SDHC: variants seen among roughly 807,000 people sequenced by gnomAD.
SDHC encodes the protein succinate dehydrogenase cytochrome b560 subunit, mitochondrial.
A neutral mutation model predicts 22.6 loss-of-function variants in SDHC; 11 were observed. The observed-to-expected ratio is 0.49, with a 90% confidence interval of 0.31 to 0.81. SDHC has a LOEUF of 0.81. Among genes scored for constraint, SDHC ranks in the 30% least tolerant of loss-of-function variants. SDHC has a pLI of 0.05. For synonymous variants in SDHC, 80 were observed against 77.8 expected (o/e 1.03, Z -0.15); for missense variants, 160 against 212.0 (o/e 0.75, Z 1.52).
At chr1:161,327,303 A>G (rs1237207348) in intron 2 of SDHC, among the ~76,000 whole-genome samples, 1 of 152,258 alleles carries the variant, frequency 6.6e-6, no homozygotes, top group Non-Finnish European at 1.5e-5. Context: ...GGGACCAGAC[A>G]GCATGACAGA....
intron 4 of SDHC, 30 bp from the exon 5 acceptor site, chr1:161,356,647 C>T (rs2102370077): frequency 6.2e-7 from 1 of 1,612,258 alleles, no homozygotes; most frequent in Non-Finnish European, 8.5e-7. Flanking sequence ...TTATGAGCAG[C>T]TGTGACAAGC....
At chr1:161,317,631 A>T (rs1333849985) in intron 1 of SDHC, among the ~76,000 whole-genome samples, 5 of 134,264 alleles carry the variant, frequency 3.7e-5, no homozygotes, top group Non-Finnish European at 3.0e-5. Flanking sequence ...GCGCAATCTC[A>T]GCTCACTGTA....
At chr1:161,349,826 G>GA (rs1672041402) in intron 4 of SDHC, among the ~76,000 whole-genome samples, 1 of 152,156 alleles carries the variant, frequency 6.6e-6, no homozygotes, top group South Asian at 2.1e-4. Context: ...ACCTTACCTT[G>GA]AAAAAGTTAT....
chr1:161,339,365 T>C (rs1320872483), intron 3 of SDHC, among the ~76,000 whole-genome samples: 3 of 150,004 alleles, frequency 2.0e-5, no homozygotes, highest in East Asian at 3.9e-4. Flanking sequence ...TTTTTTTTTT[T>C]CGTAAAGATG....
intron 2 of SDHC, among the ~76,000 whole-genome samples, chr1:161,326,325 G>T (rs1671046948): frequency 6.6e-6 from 1 of 151,974 alleles, no homozygotes; most frequent in Admixed American, 6.6e-5. Flanking sequence ...AATACTGTGG[G>T]TTTATCCAGC....
chr1:161,362,027 G>T (rs553895402), intron 5 of SDHC, among the ~76,000 whole-genome samples: 5 of 151,922 alleles, frequency 3.3e-5, no homozygotes, highest in East Asian at 1.9e-4. Flanking sequence ...AGGAAAAGTT[G>T]TATCTATTCA....
Position 161,362,344 on chromosome 1 carries a change from A to C in SDHC, c.421A>C (p.Lys141Gln). ...TTGTCCACAGATGTGGGACCTAGGA[A>C]AAGGCCTGAAGATTCCCCAGCTATA... ...GIRHLMWDLG[K>Q]GLKIPQLYQS... is the part of the protein sequence containing the mutation. Residue 141 changes from lysine (K) to glutamine (Q), a missense_variant, in exon 6 of 6, where the codon AAA (lysine) becomes CAA (glutamine). This residue lies in a region of SDHC where 74 missense variants were observed against 128.6 expected (regional missense o/e 0.58). Transcript: ENST00000367975. 6.2e-7 allele frequency: 1 copy of C among 1,613,696 alleles called. No individual in the cohort carries two copies. Among genetic ancestry groups the C allele is most frequent in the Non-Finnish European group, 8.5e-7 (1 of 1,179,802 alleles).
chr1:161,340,662 A>G lies in SDHC; in HGVS notation c.241+7A>G, dbSNP rs878854586. 2.5e-6 allele frequency: 4 copies of G among 1,612,626 alleles called. No individual in the cohort carries two copies. The highest frequency in any genetic ancestry group is 1.3e-5 in the African/African-American group (1 of 74,870). On this transcript the variant is annotated splice_region_variant and intron_variant, in intron 4 of 5. Transcript: ENST00000367975. ...GGTATTGCTTTGAGTGCAGGTATGTATATGTGTTTTTACACACACATATGT... is the reference window on the plus strand; with the variant it reads ...GGTATTGCTTTGAGTGCAGGTATGTGTATGTGTTTTTACACACACATATGT...
In SDHC at chr1:161,346,743, A is replaced by G. The variant is rs191192285; in HGVS notation, c.241+6088A>G. Among the ~76,000 whole-genome samples the G allele has an allele frequency of 6.1e-3, 907 of 148,704 alleles. 13 individuals carry two copies. The highest frequency in any genetic ancestry group is 0.022 in the African/African-American group (852 of 39,256). On this transcript the variant is annotated intron_variant, in intron 4 of 5. Transcript: ENST00000367975. ...GATATGAGACCCCAGAGGAGAAACC[A>G]ACAAATACAGTTGTCCCTTATTATC...
At chr1:161,334,851 A>G (rs1237893994) in intron 3 of SDHC, among the ~76,000 whole-genome samples, 1 of 152,182 alleles carries the variant, frequency 6.6e-6, no homozygotes, top group Non-Finnish European at 1.5e-5. Flanking sequence ...TAAGGAGACT[A>G]TTATTCTGCC....
chr1:161,337,609 T>C (rs1371158911), intron 3 of SDHC, among the ~76,000 whole-genome samples: 1 of 152,202 alleles, frequency 6.6e-6, no homozygotes, highest in East Asian at 1.9e-4. Context: ...ATGGTTATTT[T>C]TAGAAAACAA....
At chr1:161,339,667 T>TTTTTTTTTTGTTTG (rs1558173793) in intron 3 of SDHC, 1 of 236,388 alleles carries the variant, frequency 4.2e-6, no homozygotes, top group African/African-American at 3.5e-5. Flanking sequence ...CAGGTGTTTT[T>TTTTTTTTTTGTTTG]TTTTTTTTTT....
chr1:161,346,193 T>C (rs1200033440), intron 4 of SDHC, among the ~76,000 whole-genome samples: 1 of 151,978 alleles, frequency 6.6e-6, no homozygotes, highest in Non-Finnish European at 1.5e-5. Context: ...TAGCACTCAA[T>C]AGGTGCTTAG....
intron 4 of SDHC, among the ~76,000 whole-genome samples, chr1:161,347,263 C>G (rs1317566225): frequency 1.3e-5 from 2 of 150,810 alleles, no homozygotes; most frequent in African/African-American, 4.9e-5. Flanking sequence ...TCTTTTTTTC[C>G]TTTTTTTTTG....
chr1:161,318,310 T>C (rs1371050290), intron 1 of SDHC, among the ~76,000 whole-genome samples: 1 of 152,188 alleles, frequency 6.6e-6, no homozygotes, highest in African/African-American at 2.4e-5. Context: ...GCTTGGCTAA[T>C]TAAGAATTAT....
chr1:161,325,928 C>T (rs565674592), intron 2 of SDHC, among the ~76,000 whole-genome samples: 9 of 152,164 alleles, frequency 5.9e-5, no homozygotes, highest in East Asian at 1.9e-4. Flanking sequence ...CGGCCTGGCA[C>T]GGTAGCCATG....
At chr1:161,323,883 A>C (rs1312438217) in intron 2 of SDHC, among the ~76,000 whole-genome samples, 7 of 151,956 alleles carry the variant, frequency 4.6e-5, no homozygotes, top group Admixed American at 3.9e-4. Flanking sequence ...TTTTTAGTAG[A>C]GACAGGGTTT....
At chr1:161,359,910 C>T (rs981276389) in intron 5 of SDHC, among the ~76,000 whole-genome samples, 5 of 151,918 alleles carry the variant, frequency 3.3e-5, no homozygotes, top group African/African-American at 4.9e-5. Context: ...GTAGGACTCA[C>T]TCTCTATAAA....
At chr1:161,314,672 T>G (rs1670538263) in intron 1 of SDHC, 2 of 585,428 alleles carry the variant, frequency 3.4e-6, no homozygotes, top group South Asian at 4.2e-5. Flanking sequence ...CCCCTTCTGT[T>G]TTCCCCACCT....
Sources: allele counts gnomAD v4.1 joint callset (sites outside exome capture counted in the v4.1 genomes callset), GRCh38; gene constraint gnomAD v4.1.1; regional missense constraint gnomAD v4.1.1; transcripts MANE v1.5; gene names NCBI Gene and HGNC (gene_info 2026-07-23, HGNC 2026-07-21).